Variants in SPSB4 observed in about 807,000 individuals in gnomAD.
SPSB4 encodes SPRY domain-containing SOCS box protein 4.
In SPSB4, 21 loss-of-function variants were observed where a neutral mutation model predicts 20.9. The observed-to-expected ratio is 1.01, with a 90% CI of 0.71 to 1.45. The LOEUF (loss-of-function observed/expected upper bound fraction) is 1.45. Ranked by LOEUF, SPSB4 falls within the 40% of genes most tolerant of loss-of-function variation. SPSB4 has a pLI of 0.00. For synonymous variants in SPSB4, 207 were observed against 183.8 expected (o/e 1.13, Z -1.02); for missense variants, 399 against 399.2 (o/e 1.00, Z 0.00).
In SPSB4 at chr3:141,125,184, A is replaced by G. The variant is rs150764123; in HGVS notation, c.695-21958A>G. ...AATGGAAGGGGAGATGTGCCTTTAT[A>G]TAATTTTTTTCATATGAAGAACTGA... On this transcript the variant is annotated intron_variant, in intron 2 of 2. Coordinates refer to ENST00000310546, the MANE Select transcript of SPSB4 (RefSeq NM_080862.3). Among the ~76,000 whole-genome samples the G allele has an allele frequency of 1.7e-3, 256 of 152,336 alleles. 2 individuals are homozygous for G. The highest frequency in any genetic ancestry group is 6.0e-3 in the African/African-American group (248 of 41,584).
At chr3:141,143,096 C>G (rs964141238) in intron 2 of SPSB4, among the ~76,000 whole-genome samples, 19 of 152,030 alleles carry the variant, frequency 1.2e-4, no homozygotes, top group South Asian at 2.1e-4. Flanking sequence ...GATTACAGGT[C>G]TGAGCCACCA....
At chr3:141,076,676 A>G (rs868427294) in intron 2 of SPSB4, among the ~76,000 whole-genome samples, 2 of 152,098 alleles carry the variant, frequency 1.3e-5, no homozygotes, top group Admixed American at 6.5e-5. Context: ...TCTGTCCCGA[A>G]CTTGAGTCCA....
chr3:141,135,743 T>A lies in SPSB4; in HGVS notation c.695-11399T>A, dbSNP rs1452291531. On this transcript the variant is annotated intron_variant, in intron 2 of 2. Coordinates refer to ENST00000310546, the MANE Select transcript of SPSB4 (RefSeq NM_080862.3). ...ATATTTTCTTAATCCAGTCTATCATTGTTGGACATTTGGGTTGGTTCCAAG... is the reference window on the plus strand; with the variant it reads ...ATATTTTCTTAATCCAGTCTATCATAGTTGGACATTTGGGTTGGTTCCAAG... Among the ~76,000 whole-genome samples the A allele has an allele frequency of 9.2e-5, 14 of 152,300 alleles. No individual in the cohort carries two copies. In the East Asian group the frequency reaches 2.7e-3, roughly 29 times the overall value.
intron 2 of SPSB4, among the ~76,000 whole-genome samples, chr3:141,068,010 A>T (rs1298612970): frequency 1.3e-5 from 2 of 152,172 alleles, no homozygotes; most frequent in Non-Finnish European, 2.9e-5. Flanking sequence ...CTCGTTTCCT[A>T]TGTTCTCCCC....
intron 1 of SPSB4, among the ~76,000 whole-genome samples, chr3:141,060,299 A>G (rs895957472): frequency 1.3e-5 from 2 of 152,004 alleles, no homozygotes; most frequent in Non-Finnish European, 2.9e-5. Flanking sequence ...AGCAACAGCA[A>G]CTCCACAGTT....
At chr3:141,109,731 T>TG (rs1191318217) in intron 2 of SPSB4, among the ~76,000 whole-genome samples, 1 of 152,112 alleles carries the variant, frequency 6.6e-6, no homozygotes, top group Admixed American at 6.5e-5. Flanking sequence ...TGCCCCACCC[T>TG]GGTCCCAGCA....
chr3:141,093,308 C>T (rs897562289), intron 2 of SPSB4, among the ~76,000 whole-genome samples: 1 of 151,756 alleles, frequency 6.6e-6, no homozygotes, highest in Non-Finnish European at 1.5e-5. Context: ...TAATGCCATA[C>T]ATTGCAGTAA....
rs1274082547 is a variant in SPSB4 at position 141,054,023 on chromosome 3, T to A, written c.-154+2031T>A. Among the ~76,000 whole-genome samples, 4 of 152,326 alleles carry A rather than the reference T, an allele frequency of 2.6e-5. No homozygotes were observed. The South Asian group carries it at 8.3e-4, about 32-fold the overall frequency. On this transcript the variant is annotated intron_variant, in intron 1 of 2. Coordinates refer to ENST00000310546, the MANE Select transcript of SPSB4 (RefSeq NM_080862.3). Reference sequence around the variant, plus strand: ...CTGCCTAGAATACTTTTCCTCCTAGTTTTTCATACAACTGAAACTTCCTCA... The same window carrying A: ...CTGCCTAGAATACTTTTCCTCCTAGATTTTCATACAACTGAAACTTCCTCA...
intron 2 of SPSB4, among the ~76,000 whole-genome samples, chr3:141,128,362 G>A (rs998320538): frequency 9.6e-4 from 146 of 152,262 alleles, no homozygotes; most frequent in African/African-American, 3.2e-3. Context: ...TGGGGGGCCA[G>A]GCCAAAGCCC....
At chr3:141,084,086 C>T (rs939973071) in intron 2 of SPSB4, among the ~76,000 whole-genome samples, 6 of 152,198 alleles carry the variant, frequency 3.9e-5, no homozygotes, top group African/African-American at 7.2e-5. Context: ...GTGGGAAGCC[C>T]GGCGTCGCTG....
At chr3:141,134,925 G>T (rs1180757052) in intron 2 of SPSB4, among the ~76,000 whole-genome samples, 3 of 148,270 alleles carry the variant, frequency 2.0e-5, no homozygotes, top group East Asian at 4.0e-4. Context: ...ATTTGTAAAT[G>T]AGGTATAACA....
At chr3:141,113,950 T>C (rs1432909433) in intron 2 of SPSB4, among the ~76,000 whole-genome samples, 1 of 152,112 alleles carries the variant, frequency 6.6e-6, no homozygotes, top group Non-Finnish European at 1.5e-5. Context: ...TAGCCAGACA[T>C]GGTGGCGCAT....
At chr3:141,098,392 G>T (rs1938573717) in intron 2 of SPSB4, among the ~76,000 whole-genome samples, 1 of 152,088 alleles carries the variant, frequency 6.6e-6, no homozygotes, top group South Asian at 2.1e-4. Flanking sequence ...TTTTTAAATT[G>T]TTGGGTATGC....
At chr3:141,076,764 T>TC (rs1938118675) in intron 2 of SPSB4, among the ~76,000 whole-genome samples, 3 of 152,344 alleles carry the variant, frequency 2.0e-5, no homozygotes, top group Admixed American at 2.0e-4. Context: ...TTGCAGGTGG[T>TC]CCCAGGCCTT....
intron 2 of SPSB4, among the ~76,000 whole-genome samples, chr3:141,085,707 C>G (rs944355813): frequency 3.3e-5 from 5 of 152,246 alleles, no homozygotes; most frequent in African/African-American, 1.2e-4. Context: ...CCCAATCTTA[C>G]GTCTGTGGGA....
At chr3:141,056,027 G>A (rs998622756) in intron 1 of SPSB4, among the ~76,000 whole-genome samples, 4 of 152,304 alleles carry the variant, frequency 2.6e-5, no homozygotes, top group Non-Finnish European at 4.4e-5. Context: ...AGTGAAAAGC[G>A]GAAACTGAAG....
intron 1 of SPSB4, among the ~76,000 whole-genome samples, chr3:141,052,633 C>T (rs1307373168): frequency 6.6e-6 from 1 of 152,190 alleles, no homozygotes; most frequent in East Asian, 1.9e-4. Context: ...GCTGTTGTTA[C>T]CGTTTATTCC....
intron 2 of SPSB4, among the ~76,000 whole-genome samples, chr3:141,126,237 C>T (rs1020492986): frequency 6.6e-6 from 1 of 152,190 alleles, no homozygotes; most frequent in Non-Finnish European, 1.5e-5. Flanking sequence ...GAGGCTCAAA[C>T]CCCTGTCTCC....
intron 2 of SPSB4, among the ~76,000 whole-genome samples, chr3:141,113,432 G>T (rs1938834678): frequency 6.6e-6 from 1 of 152,212 alleles, no homozygotes; most frequent in African/African-American, 2.4e-5. Flanking sequence ...GTGGCATATT[G>T]ATATAATGGA....
Sources: gnomAD v4.1 joint callset for allele counts (sites outside exome capture counted in the v4.1 genomes callset) on GRCh38, gnomAD v4.1.1 for gene constraint, MANE v1.5 for transcripts, NCBI Gene and HGNC (gene_info 2026-07-23, HGNC 2026-07-21) for gene names.